The following TAFA2 variants were observed in gnomAD, a reference collection of about 807,000 sequenced individuals.
TAFA2 encodes the protein chemokine-like protein TAFA-2.
In TAFA2, 7 loss-of-function variants were observed where a neutral mutation model predicts 18.8. That is an observed-to-expected ratio of 0.37 (90% CI 0.21 to 0.70). TAFA2 has a LOEUF of 0.70. Ranked by LOEUF, TAFA2 falls within the 30% of genes least tolerant of loss-of-function variation. The pLI is 0.53. For synonymous variants in TAFA2, 60 were observed against 54.2 expected, an observed-to-expected ratio of 1.11 and a Z score of -0.47; for missense variants, 122 against 158.1, an observed-to-expected ratio of 0.77 and a Z score of 1.23.
chr12:62,241,724 C>T (rs898598115), intron 1 of TAFA2, among the ~76,000 whole-genome samples: 1 of 147,382 alleles, frequency 6.8e-6, no homozygotes. Context: ...TTAAACTCTA[C>T]ATTCAAACAT....
intron 1 of TAFA2, among the ~76,000 whole-genome samples, chr12:61,898,922 A>G (rs1353797403): frequency 6.6e-6 from 1 of 151,678 alleles, no homozygotes; most frequent in African/African-American, 2.4e-5. Flanking sequence ...CAAACGTTTT[A>G]TGCTCTGCTT....
chr12:62,185,797 C>T (rs948274279), intron 1 of TAFA2, among the ~76,000 whole-genome samples: 3 of 152,066 alleles, frequency 2.0e-5, no homozygotes, highest in African/African-American at 4.8e-5. Flanking sequence ...ATATATAATG[C>T]CCTATTGTTT....
intron 1 of TAFA2, among the ~76,000 whole-genome samples, chr12:61,873,188 C>T (rs1874693643): frequency 6.6e-6 from 1 of 151,994 alleles, no homozygotes; most frequent in Admixed American, 6.6e-5. Context: ...ATGTGAAGAA[C>T]AGTACATATT....
chr12:61,975,514 C>CGTGTGTGTGTGTGTGT (rs3031098), intron 1 of TAFA2, among the ~76,000 whole-genome samples: 10,671 of 136,510 alleles, frequency 0.078, 713 homozygotes, highest in African/African-American at 0.14. Context: ...CAATAATATT[C>CGTGTGTGTGTGTGTGT]GTGTGTGTGT....
intron 1 of TAFA2, chr12:62,022,248 A>G: frequency 4.2e-6 from 1 of 236,064 alleles, no homozygotes; most frequent in East Asian, 1.0e-4. Context: ...TGTCCTGCTA[A>G]AGACTTCCAA....
intron 1 of TAFA2, among the ~76,000 whole-genome samples, chr12:61,898,798 T>C (rs974321123): frequency 6.6e-6 from 1 of 152,226 alleles, no homozygotes; most frequent in African/African-American, 2.4e-5. Context: ...TCATTACTTA[T>C]GTAAATTTCT....
intron 1 of TAFA2, among the ~76,000 whole-genome samples, chr12:61,922,741 A>C (rs1045449780): frequency 2.0e-5 from 3 of 152,120 alleles, no homozygotes; most frequent in African/African-American, 7.2e-5. Context: ...AACACCAGAG[A>C]GACAGAACCA....
intron 4 of TAFA2, among the ~76,000 whole-genome samples, chr12:61,717,094 C>T (rs897716597): frequency 3.3e-5 from 5 of 152,118 alleles, no homozygotes; most frequent in Non-Finnish European, 4.4e-5. Flanking sequence ...ATGAAATAAG[C>T]TCTTGCTTCA....
At chr12:61,780,910 A>T (rs1173239064) in intron 2 of TAFA2, among the ~76,000 whole-genome samples, 1 of 151,792 alleles carries the variant, frequency 6.6e-6, no homozygotes, top group African/African-American at 2.4e-5. Context: ...GACTGGTTGT[A>T]GATCAACTGC....
At chr12:61,869,833 C>A (rs1315911315) in intron 1 of TAFA2, among the ~76,000 whole-genome samples, 1 of 152,118 alleles carries the variant, frequency 6.6e-6, no homozygotes, top group Admixed American at 6.5e-5. Flanking sequence ...TTCAACCATC[C>A]TGACTCCCCT....
chr12:62,201,350 T>G (rs1448215175), intron 1 of TAFA2, among the ~76,000 whole-genome samples: 3 of 152,198 alleles, frequency 2.0e-5, no homozygotes, highest in Non-Finnish European at 4.4e-5. Context: ...TTTTGCCTAT[T>G]CAGTATGACA....
At chr12:62,020,740 T>A (rs1157207867) in intron 1 of TAFA2, among the ~76,000 whole-genome samples, 1 of 152,200 alleles carries the variant, frequency 6.6e-6, no homozygotes, top group African/African-American at 2.4e-5. Context: ...TACTCACTTC[T>A]CATTTACTGA....
chr12:62,172,948 CTA>C (rs56218348), intron 1 of TAFA2, among the ~76,000 whole-genome samples: 91,891 of 151,716 alleles, frequency 0.61, 28,120 homozygotes, highest in Middle Eastern at 0.79. Context: ...TGACTCTCAA[CTA>C]TCTAACCATA....
Position 61,921,780 on chromosome 12 carries a change from A to G in TAFA2, c.-1-54354T>C, listed in dbSNP as rs185441599. On this transcript the variant is annotated intron_variant, in intron 1 of 4. Transcript: ENST00000416284. ...AACTACACAGTATGACTATGCATCA[A>G]TGTATACAGAAAAGACAACAGGAAT... Among the ~76,000 whole-genome samples the G allele has an allele frequency of 7.1e-4, 108 of 152,334 alleles. 2 individuals are homozygous for G. Among genetic ancestry groups the G allele is most frequent in the Non-Finnish European group, 1.1e-3 (72 of 68,026 alleles).
intron 1 of TAFA2, among the ~76,000 whole-genome samples, chr12:62,119,431 G>C (rs1478053585): frequency 3.3e-5 from 5 of 152,074 alleles, no homozygotes; most frequent in African/African-American, 9.7e-5. Context: ...AATCTGTTTT[G>C]ACTAACTGGA....
At chr12:62,065,857 G>T (rs1354853404) in intron 1 of TAFA2, among the ~76,000 whole-genome samples, 2 of 151,840 alleles carry the variant, frequency 1.3e-5, no homozygotes, top group Admixed American at 6.6e-5. Flanking sequence ...GTTTTTACTT[G>T]CATGTCAGCT....
chr12:61,961,541 T>TA (rs1266444674), intron 1 of TAFA2, among the ~76,000 whole-genome samples: 1 of 152,010 alleles, frequency 6.6e-6, no homozygotes, highest in Non-Finnish European at 1.5e-5. Flanking sequence ...TATATAAATT[T>TA]AATGTCTATA....
At chr12:62,199,671 T>C (rs899121454) in intron 1 of TAFA2, among the ~76,000 whole-genome samples, 1 of 152,190 alleles carries the variant, frequency 6.6e-6, no homozygotes, top group African/African-American at 2.4e-5. Context: ...GGAATTTGTG[T>C]GGATTCTATA....
chr12:62,110,238 T>C (rs973200216), intron 1 of TAFA2, among the ~76,000 whole-genome samples: 2 of 152,198 alleles, frequency 1.3e-5, no homozygotes, highest in African/African-American at 4.8e-5. Context: ...GAAATAATCA[T>C]GTGGTTTTCG....
Sources: allele counts gnomAD v4.1 joint callset (sites outside exome capture counted in the v4.1 genomes callset), GRCh38; gene constraint gnomAD v4.1.1; transcripts MANE v1.5; gene names NCBI Gene and HGNC (gene_info 2026-07-23, HGNC 2026-07-21).